The following LYPLAL1 variants were observed in gnomAD, a reference collection of about 807,000 sequenced individuals.
LYPLAL1 encodes the protein lysophospholipase like 1, also known as lysophospholipase-like protein 1.
A neutral mutation model predicts 19.7 loss-of-function variants in LYPLAL1; 23 were observed. The ratio of observed to expected loss-of-function variants is 1.17; its 90% CI spans 0.84 to 1.65. The LOEUF (loss-of-function observed/expected upper bound fraction) is 1.65. LYPLAL1 is among the 40% of genes most tolerant of loss of function. LYPLAL1 has a pLI of 0.00. For synonymous variants in LYPLAL1, 119 were observed against 96.3 expected, an observed-to-expected ratio of 1.24 and a Z score of -1.38; for missense variants, 355 against 279.4, an observed-to-expected ratio of 1.27 and a Z score of -1.93.
the LYPLAL1 span, among the ~76,000 whole-genome samples, chr1:219,238,609 C>T: frequency 6.6e-6 from 1 of 151,986 alleles, no homozygotes; most frequent in African/African-American, 2.4e-5. Context: ...GATATAAAGC[C>T]TTTGTTTAGC....
Position 219,186,190 on chromosome 1 carries a change from A to G in LYPLAL1, c.192-6892A>G, listed in dbSNP as rs867096661. Among the ~76,000 whole-genome samples, 5 of 151,786 alleles carry G rather than the reference A, an allele frequency of 3.3e-5. No individual in the cohort carries two copies. In the South Asian group the frequency reaches 8.3e-4, roughly 25 times the overall value. On this transcript the variant is annotated intron_variant, in intron 2 of 4. Transcript: ENST00000366928. ...TACTGTTGATATCTAGTTTCATTTC[A>G]TTATTATTAGAGAAAATATCCTGTA...
At chr1:219,235,738 T>A in the LYPLAL1 span, among the ~76,000 whole-genome samples, 1 of 152,182 alleles carries the variant, frequency 6.6e-6, no homozygotes, top group Non-Finnish European at 1.5e-5. Flanking sequence ...TCGATGCCAA[T>A]ATGGAGATTA....
the LYPLAL1 span, among the ~76,000 whole-genome samples, chr1:219,393,167 G>A: frequency 6.6e-6 from 1 of 152,174 alleles, no homozygotes; most frequent in African/African-American, 2.4e-5. Context: ...TTATGTCTTT[G>A]GTTTTGAGCC....
At chr1:219,295,001 C>A in the LYPLAL1 span, among the ~76,000 whole-genome samples, 1 of 151,978 alleles carries the variant, frequency 6.6e-6, no homozygotes, top group African/African-American at 2.4e-5. Context: ...TTCCTGGAGG[C>A]ACCAGGAGTT....
the LYPLAL1 span, among the ~76,000 whole-genome samples, chr1:219,296,476 AGG>A: frequency 1.3e-5 from 2 of 152,156 alleles, no homozygotes; most frequent in Non-Finnish European, 2.9e-5. Flanking sequence ...TTCAACCAAA[AGG>A]GTACTCAGGG....
the LYPLAL1 span, among the ~76,000 whole-genome samples, chr1:219,367,294 G>C: frequency 6.6e-6 from 1 of 152,100 alleles, no homozygotes; most frequent in Non-Finnish European, 1.5e-5. Context: ...GCATTCCTAC[G>C]TGTGATGTTG....
the LYPLAL1 span, among the ~76,000 whole-genome samples, chr1:219,343,929 TC>T: frequency 6.6e-6 from 1 of 152,206 alleles, no homozygotes; most frequent in Non-Finnish European, 1.5e-5. Flanking sequence ...AAAGGTGGTA[TC>T]TCCACAGCTA....
At chr1:219,184,095 C>T (rs1656520476) in intron 2 of LYPLAL1, among the ~76,000 whole-genome samples, 1 of 151,692 alleles carries the variant, frequency 6.6e-6, no homozygotes, top group Non-Finnish European at 1.5e-5. Flanking sequence ...TTACAAAACA[C>T]CTGTTTGGAT....
chr1:219,425,309 C>A, the LYPLAL1 span, among the ~76,000 whole-genome samples: 1 of 152,116 alleles, frequency 6.6e-6, no homozygotes, highest in African/African-American at 2.4e-5. Flanking sequence ...CATAAACACT[C>A]GGACCATAGC....
chr1:219,351,624 A>G, the LYPLAL1 span, among the ~76,000 whole-genome samples: 1 of 152,110 alleles, frequency 6.6e-6, no homozygotes, highest in Non-Finnish European at 1.5e-5. Flanking sequence ...AGGGAAATAA[A>G]AACACATCAA....
the LYPLAL1 span, among the ~76,000 whole-genome samples, chr1:219,334,521 AG>A: frequency 1.1e-5 from 1 of 89,432 alleles, no homozygotes. Context: ...ATCATAATGA[AG>A]AGGGGTGTGT....
At chr1:219,279,170 T>C in the LYPLAL1 span, among the ~76,000 whole-genome samples, 3 of 152,126 alleles carry the variant, frequency 2.0e-5, no homozygotes. Context: ...ATAACACTTG[T>C]TGGGTTAATG....
the LYPLAL1 span, among the ~76,000 whole-genome samples, chr1:219,236,037 G>A: frequency 1.3e-5 from 2 of 152,186 alleles, no homozygotes; most frequent in African/African-American, 4.8e-5. Context: ...AATAATAGGA[G>A]CATGTAATGA....
chr1:219,318,834 G>T, the LYPLAL1 span, among the ~76,000 whole-genome samples: 25 of 152,156 alleles, frequency 1.6e-4, no homozygotes, highest in Non-Finnish European at 2.8e-4. Flanking sequence ...CTAGAAAAAT[G>T]GGCAGGGAAA....
At chr1:219,291,957 A>G in the LYPLAL1 span, among the ~76,000 whole-genome samples, 1 of 152,216 alleles carries the variant, frequency 6.6e-6, no homozygotes, top group African/African-American at 2.4e-5. Flanking sequence ...TTACAGTTTA[A>G]TGCAATAATT....
the LYPLAL1 span, among the ~76,000 whole-genome samples, chr1:219,248,603 T>C: frequency 6.6e-6 from 1 of 152,102 alleles, no homozygotes; most frequent in Non-Finnish European, 1.5e-5. Flanking sequence ...ATTATGGCAC[T>C]AATAACTTCA....
the LYPLAL1 span, among the ~76,000 whole-genome samples, chr1:219,315,005 T>G: frequency 6.6e-6 from 1 of 151,348 alleles, no homozygotes; most frequent in African/African-American, 2.4e-5. Flanking sequence ...GATGGATGTT[T>G]GTGTGTGTGT....
At chr1:219,210,987 A>G (rs1351506322) in intron 4 of LYPLAL1, among the ~76,000 whole-genome samples, 1 of 152,170 alleles carries the variant, frequency 6.6e-6, no homozygotes, top group Non-Finnish European at 1.5e-5. Context: ...CATCATGAAC[A>G]TAAAACAAAA....
At chr1:219,284,539 A>G in the LYPLAL1 span, among the ~76,000 whole-genome samples, 2 of 152,230 alleles carry the variant, frequency 1.3e-5, no homozygotes, top group South Asian at 2.1e-4. Context: ...ATAAATACAC[A>G]AGAAAATATT....
Sources: allele counts gnomAD v4.1 joint callset (sites outside exome capture counted in the v4.1 genomes callset), GRCh38; gene constraint gnomAD v4.1.1; transcripts MANE v1.5; gene names NCBI Gene and HGNC (gene_info 2026-07-23, HGNC 2026-07-21).